ANKS1B: variants seen among roughly 807,000 people sequenced by gnomAD.
ANKS1B encodes ankyrin repeat and sterile alpha motif domain-containing protein 1B.
ANKS1B carries 36 observed loss-of-function variants against 148.3 expected under a neutral mutation model. The observed-to-expected ratio is 0.24, with a 90% CI of 0.19 to 0.32. The LOEUF (loss-of-function observed/expected upper bound fraction) is 0.32, where lower values mean the gene tolerates loss of function less well. ANKS1B is among the 10% of genes least tolerant of loss of function. The pLI is 1.00. For missense variants in ANKS1B, 1,157 were observed against 1,542.6 expected, an observed-to-expected ratio of 0.75 and a Z score of 4.19; for synonymous variants, 542 against 560.8, an observed-to-expected ratio of 0.97 and a Z score of 0.47.
rs551995802 is a variant in ANKS1B, at chr12:99,399,879, A to G, written c.1576-68T>C. 4 of 1,490,038 alleles carry G rather than the reference A, an allele frequency of 2.7e-6. No individual in the cohort carries two copies. The South Asian group carries it at 4.7e-5, about 18-fold the overall frequency. 92.3% of individuals were successfully genotyped at this position (1,490,038 alleles called of 1,614,324 possible). A position where few individuals can be genotyped will look rare whatever the true frequency, so the allele number is the denominator to read the frequency against. On this transcript the variant is annotated intron_variant, in intron 11 of 26. Transcript: ENST00000683438. The stretch of plus-strand genomic sequence containing the variant: ...TCATCTTCAGCCCAATCTCCCCATC[A>G]ATTTAATCTAAGTGATAATTTTTTT...
At chr12:99,659,587 T>G (rs2153451234) in intron 8 of ANKS1B, among the ~76,000 whole-genome samples, 2 of 152,204 alleles carry the variant, frequency 1.3e-5, no homozygotes, top group South Asian at 4.1e-4. Flanking sequence ...ATAATTATAT[T>G]AGTCTAACAT....
chr12:99,691,105 C>T (rs907004637), intron 8 of ANKS1B, among the ~76,000 whole-genome samples: 3 of 152,212 alleles, frequency 2.0e-5, no homozygotes, highest in East Asian at 3.9e-4. Flanking sequence ...CCAAGCTGTA[C>T]CTTTGCCCCT....
intron 8 of ANKS1B, among the ~76,000 whole-genome samples, chr12:99,765,598 T>C (rs1029993023): frequency 3.3e-5 from 5 of 152,232 alleles, no homozygotes; most frequent in Non-Finnish European, 7.3e-5. Flanking sequence ...TTATTTGTCA[T>C]ATTTGCTATT....
At chr12:99,591,799 G>A (rs1258995831) in intron 9 of ANKS1B, among the ~76,000 whole-genome samples, 1 of 152,072 alleles carries the variant, frequency 6.6e-6, no homozygotes, top group South Asian at 2.1e-4. Flanking sequence ...CATTAGCTAT[G>A]TTACTAGAAA....
intron 9 of ANKS1B, among the ~76,000 whole-genome samples, chr12:99,570,448 C>T (rs1427833754): frequency 1.3e-5 from 2 of 152,018 alleles, no homozygotes; most frequent in East Asian, 3.9e-4. Context: ...GAGATCAAGA[C>T]CATCCTGGTT....
intron 4 of ANKS1B, among the ~76,000 whole-genome samples, chr12:99,801,360 G>T (rs762226511): frequency 6.6e-6 from 1 of 152,128 alleles, no homozygotes; most frequent in Non-Finnish European, 1.5e-5. Flanking sequence ...AAAGACAGTC[G>T]TATCTCAGAG....
rs1267449350 is a variant in ANKS1B at position 98,751,331 on chromosome 12, A to G, written c.3747+24T>C. The G allele has an allele frequency of 6.2e-7, 1 of 1,609,840 alleles. No homozygotes were observed. The highest frequency in any genetic ancestry group is 8.5e-7 in the Non-Finnish European group (1 of 1,178,434). ...TTTCCTCCTGTTCAAGGTTTTTTAG[A>G]ACATCTGTATCGTTTCTACTTACCA... On this transcript the variant is annotated intron_variant, in intron 26 of 26. Coordinates refer to ENST00000683438, the MANE Select transcript of ANKS1B (RefSeq NM_001352186.2). This position sits in a 1 kb window ranked among gnomAD's most constrained non-coding sequence, Gnocchi z 4.3.
In ANKS1B at chr12:99,674,383, C is replaced by A. The variant is rs151070437; in HGVS notation, c.1129-19173G>T. Among the ~76,000 whole-genome samples the A allele has an allele frequency of 1.6e-3, 250 of 151,774 alleles. 1 individual carries two copies. Among genetic ancestry groups the A allele is most frequent in the Non-Finnish European group, 3.2e-3 (216 of 67,728 alleles). On this transcript the variant is annotated intron_variant, in intron 8 of 26. Transcript: ENST00000683438. ...AAATGGTTAAAGTAATAAATTAATC[C>A]TAGCTGGACCTGCAAGGAAAGATGG...
chr12:98,854,337 G>A (rs2099549928), intron 17 of ANKS1B, among the ~76,000 whole-genome samples: 1 of 152,210 alleles, frequency 6.6e-6, no homozygotes, highest in Non-Finnish European at 1.5e-5. Context: ...GGCATGGGAA[G>A]TTTTGGAAAT....
chr12:98,971,016 T>C (rs1227918787), intron 17 of ANKS1B, among the ~76,000 whole-genome samples: 1 of 152,166 alleles, frequency 6.6e-6, no homozygotes, highest in Non-Finnish European at 1.5e-5. Flanking sequence ...ATAATGAAAG[T>C]TTCTATGCTG....
chr12:99,669,375 G>A (rs1023598932), intron 8 of ANKS1B, among the ~76,000 whole-genome samples: 2 of 151,970 alleles, frequency 1.3e-5, no homozygotes, highest in Admixed American at 6.6e-5. Flanking sequence ...ACTGGACATC[G>A]TTGTGGCATA....
intron 10 of ANKS1B, among the ~76,000 whole-genome samples, chr12:99,459,006 T>C (rs976448553): frequency 2.6e-5 from 4 of 151,864 alleles, no homozygotes; most frequent in Non-Finnish European, 4.4e-5. Flanking sequence ...GATACAAAAA[T>C]CCTAAACAAA....
chr12:99,893,410 C>CAAAA (rs57828427), intron 1 of ANKS1B, among the ~76,000 whole-genome samples: 1 of 102,340 alleles, frequency 9.8e-6, no homozygotes, highest in Admixed American at 1.1e-4. Context: ...GACTCCATCT[C>CAAAA]AAAAAAAAAA....
At chr12:99,338,712 G>T (rs2152318083) in intron 12 of ANKS1B, among the ~76,000 whole-genome samples, 1 of 152,290 alleles carries the variant, frequency 6.6e-6, no homozygotes, top group Middle Eastern at 3.4e-3. Context: ...GTTTATTCAA[G>T]GCCCATGGGC....
intron 9 of ANKS1B, among the ~76,000 whole-genome samples, chr12:99,592,796 C>T (rs1487691292): frequency 6.6e-6 from 1 of 152,080 alleles, no homozygotes; most frequent in East Asian, 1.9e-4. Context: ...GCTCAGGGAA[C>T]AGCCTAGTTT....
rs138041651 is a variant in ANKS1B at position 99,523,698 on chromosome 12, G to A, written c.1273-19057C>T. Among the ~76,000 whole-genome samples the A allele has an allele frequency of 5.4e-3, 811 of 151,548 alleles. 4 individuals carry two copies. Among genetic ancestry groups the A allele is most frequent in the African/African-American group, 0.019 (776 of 41,314 alleles). ...CCTCCCAATAGCTGGGACCACAGGC[G>A]CCCGCCACCACGCCCGGCTAATTTT... On this transcript the variant is annotated intron_variant, in intron 9 of 26. Transcript: ENST00000683438.
At chr12:98,999,087 A>T (rs561369368) in intron 17 of ANKS1B, among the ~76,000 whole-genome samples, 1 of 152,244 alleles carries the variant, frequency 6.6e-6, no homozygotes, top group Non-Finnish European at 1.5e-5. Flanking sequence ...AATACTTACC[A>T]ACTAGCACAC....
At chr12:98,965,758 T>C (rs2099877282) in intron 17 of ANKS1B, among the ~76,000 whole-genome samples, 2 of 152,114 alleles carry the variant, frequency 1.3e-5, no homozygotes, top group Admixed American at 1.3e-4. Context: ...TCTACAACCA[T>C]CTGATCTTTG....
At chr12:99,087,381 A>C (rs2052282360) in intron 15 of ANKS1B, among the ~76,000 whole-genome samples, 1 of 152,174 alleles carries the variant, frequency 6.6e-6, no homozygotes, top group African/African-American at 2.4e-5. Flanking sequence ...CTTATGCTTA[A>C]GCAACACCAG....
Sources: allele counts gnomAD v4.1 joint callset (sites outside exome capture counted in the v4.1 genomes callset), GRCh38; gene constraint gnomAD v4.1.1; non-coding constraint Gnocchi (gnomAD v3.1); transcripts MANE v1.5; gene names NCBI Gene and HGNC (gene_info 2026-07-23, HGNC 2026-07-21).